TTC7B: variants seen among roughly 807,000 people sequenced by gnomAD.
TTC7B encodes the protein tetratricopeptide repeat protein 7B.
In TTC7B, 28 loss-of-function variants were observed where a neutral mutation model predicts 106.8. The observed-to-expected ratio is 0.26, with a 90% CI of 0.19 to 0.36. The LOEUF (loss-of-function observed/expected upper bound fraction) is 0.36. Among genes scored for constraint, TTC7B ranks in the 10% least tolerant of loss-of-function variants. The probability of loss-of-function intolerance (pLI) is 1.00; values close to 1 mark genes in which losing one functional copy is unlikely to be tolerated. For synonymous variants in TTC7B, 405 were observed against 430.6 expected, an observed-to-expected ratio of 0.94 and a Z score of 0.74; for missense variants, 862 against 1,076.4, an observed-to-expected ratio of 0.80 and a Z score of 2.79.
At chr14:90,774,941 G>T (rs1005589528) in intron 3 of TTC7B, among the ~76,000 whole-genome samples, 1 of 152,126 alleles carries the variant, frequency 6.6e-6, no homozygotes, top group Non-Finnish European at 1.5e-5. Context: ...TGCTTGGGAG[G>T]CTGAGGCAGG....
Position 90,815,338 on chromosome 14 carries a change from A to T in TTC7B, c.121+837T>A, listed in dbSNP as rs140944824. ...GGGATTCTGGATGCAATTTTATTTG[A>T]TTGGGTACAAGAACCAATCCAGTTA... is the stretch of plus-strand genomic sequence containing the variant. On this transcript the variant is annotated intron_variant, in intron 1 of 19. Transcript: ENST00000328459. Among the ~76,000 whole-genome samples the T allele has an allele frequency of 9.1e-4, 139 of 152,228 alleles. 1 individual carries two copies. Among genetic ancestry groups the T allele is most frequent in the African/African-American group, 3.2e-3 (135 of 41,544 alleles).
intron 1 of TTC7B, among the ~76,000 whole-genome samples, chr14:90,788,738 G>A (rs1380462205): frequency 6.6e-6 from 1 of 151,892 alleles, no homozygotes; most frequent in Non-Finnish European, 1.5e-5. Flanking sequence ...GCCAAGGTGG[G>A]CAGATCACGA....
intron 9 of TTC7B, among the ~76,000 whole-genome samples, chr14:90,662,788 ATTATTCCT>A (rs1412405369): frequency 1.3e-5 from 2 of 152,370 alleles, no homozygotes; most frequent in East Asian, 3.9e-4. Context: ...AAAGTTAGCT[ATTATTCCT>A]TTTTAAAAAT....
rs747049619 is a variant in TTC7B at position 90,770,289 on chromosome 14, C to A, written c.445+10449G>T. The stretch of plus-strand genomic sequence containing the variant: ...AAATACATGAAGCAAAAAATTCACA[C>A]ATTGAATTGAAGGGAGAAACAGAGA... On this transcript the variant is annotated intron_variant, in intron 3 of 19. Transcript: ENST00000328459. Among the ~76,000 whole-genome samples, 38 of 152,194 alleles carry A rather than the reference C, an allele frequency of 2.5e-4. 1 individual carries two copies. Among genetic ancestry groups the A allele is most frequent in the Non-Finnish European group, 5.3e-4 (36 of 68,040 alleles).
rs530641892 is a variant in TTC7B at position 90,575,049 on chromosome 14, G to A, written c.2310+3057C>T. 6.6e-6 allele frequency among the ~76,000 whole-genome samples: 1 copy of A among 152,234 alleles called. No individual in the cohort carries two copies. Among genetic ancestry groups the A allele is most frequent in the East Asian group, 1.9e-4 (1 of 5,168 alleles). ...TGTGCCAGGCAACTGTCAACGCTCA[G>A]CTCTGTTTCCGCCACTCTCCGCCAC... On this transcript the variant is annotated intron_variant, in intron 19 of 19. Coordinates refer to ENST00000328459, the MANE Select transcript of TTC7B (RefSeq NM_001010854.2). This position sits in a 1 kb window ranked among gnomAD's most constrained non-coding sequence, Gnocchi z 5.2.
At chr14:90,644,320 A>C (rs1047354492) in intron 14 of TTC7B, 112 bp from the exon 15 acceptor site, 1 of 1,109,502 alleles carries the variant, frequency 9.0e-7, no homozygotes, top group African/African-American at 1.6e-5. Flanking sequence ...GCTTCTCTTC[A>C]AATATTGAGT....
At chr14:90,738,978 T>C (rs553285770) in intron 4 of TTC7B, among the ~76,000 whole-genome samples, 6 of 152,204 alleles carry the variant, frequency 3.9e-5, no homozygotes, top group African/African-American at 1.4e-4. Context: ...TGAGCCAAGA[T>C]TGCACCACTG....
intron 9 of TTC7B, among the ~76,000 whole-genome samples, chr14:90,672,785 G>T (rs1886681022): frequency 6.6e-6 from 1 of 152,102 alleles, no homozygotes; most frequent in East Asian, 1.9e-4. Flanking sequence ...TGTATCCTTT[G>T]TTGCTTCCCC....
At position 90,577,072 on chromosome 14, in the gene TTC7B, C is replaced by T. The variant is rs576090960; in HGVS notation, c.2310+1034G>A. 6.6e-6 allele frequency among the ~76,000 whole-genome samples: 1 copy of T among 152,194 alleles called. No individual in the cohort carries two copies. Among genetic ancestry groups the T allele is most frequent in the Non-Finnish European group, 1.5e-5 (1 of 68,028 alleles). The stretch of plus-strand genomic sequence containing the variant: ...GTGCTCACTCTTCCATATCACACAC[C>T]ACCATCTGGTTATGGGTGCTAAGCC... On this transcript the variant is annotated intron_variant, in intron 19 of 19. Coordinates refer to ENST00000328459, the MANE Select transcript of TTC7B (RefSeq NM_001010854.2). This position sits in a 1 kb window ranked among gnomAD's most constrained non-coding sequence, Gnocchi z 5.0.
chr14:90,589,755 T>C (rs1484259704), intron 18 of TTC7B, among the ~76,000 whole-genome samples: 1 of 152,232 alleles, frequency 6.6e-6, no homozygotes, highest in Non-Finnish European at 1.5e-5. Context: ...TAAAAGGCTA[T>C]GTGAAGGTAT....
chr14:90,698,472 T>A (rs1887853884), intron 5 of TTC7B: 1 of 152,208 alleles, frequency 6.6e-6, no homozygotes, highest in Admixed American at 6.5e-5. Flanking sequence ...AATCTCCCTG[T>A]TTTGAGGGTT....
At chr14:90,576,206 TGCA>T (rs1891257873) in intron 19 of TTC7B, among the ~76,000 whole-genome samples, 1 of 152,060 alleles carries the variant, frequency 6.6e-6, no homozygotes, top group Admixed American at 6.6e-5. Context: ...GATGGAAACA[TGCA>T]GCCTCTTTTT....
At chr14:90,685,900 T>C (rs1356759544) in intron 7 of TTC7B, among the ~76,000 whole-genome samples, 1 of 152,022 alleles carries the variant, frequency 6.6e-6, no homozygotes, top group Non-Finnish European at 1.5e-5. Flanking sequence ...TCCAGGTGGC[T>C]TCACTGGTGA....
chr14:90,567,453 C>T (rs753510314), intron 19 of TTC7B: 1 of 152,178 alleles, frequency 6.6e-6, no homozygotes, highest in African/African-American at 2.4e-5. Context: ...TGCATGACCA[C>T]GAGACCTAGA....
intron 5 of TTC7B, among the ~76,000 whole-genome samples, chr14:90,729,871 C>T (rs1889258027): frequency 6.6e-6 from 1 of 152,108 alleles, no homozygotes; most frequent in African/African-American, 2.4e-5. Context: ...CTTCTCCCAC[C>T]TTCACATCTC....
At position 90,816,275 on chromosome 14, in the gene TTC7B, G is replaced by T; in HGVS notation, c.21C>A (p.Gly7=). The change falls in exon 1 of 20, where the codon GGC becomes GGA. Residue 7 remains glycine (G), a synonymous_variant. Transcript: ENST00000328459. Reference sequence around the variant, plus strand: ...GCTCGATCTCCGTCTCCAGCCGCGAGCCTGCCTTCTTGGTCGCCATCGCGG... The same window carrying T: ...GCTCGATCTCCGTCTCCAGCCGCGATCCTGCCTTCTTGGTCGCCATCGCGG... The part of the protein sequence containing the change: MATKKA[G]SRLETEIERC... 1 of 1,233,032 alleles carries T rather than the reference G, an allele frequency of 8.1e-7. No individual in the cohort carries two copies. The highest frequency in any genetic ancestry group is 1.0e-6 in the Non-Finnish European group (1 of 956,518). 76.4% of individuals were successfully genotyped at this position (1,233,032 alleles called of 1,614,324 possible). A position where few individuals can be genotyped will look rare whatever the true frequency, so the allele number is the denominator to read the frequency against.
At chr14:90,733,358 C>T (rs943909547) in intron 4 of TTC7B, among the ~76,000 whole-genome samples, 1 of 152,158 alleles carries the variant, frequency 6.6e-6, no homozygotes, top group African/African-American at 2.4e-5. Flanking sequence ...ACTCCACAGC[C>T]CGGCTCCTTC....
chr14:90,596,564 T>C (rs1018313816), intron 17 of TTC7B, among the ~76,000 whole-genome samples: 1 of 152,320 alleles, frequency 6.6e-6, no homozygotes, highest in African/African-American at 2.4e-5. Flanking sequence ...ATTCCAAATC[T>C]GTCCTCTAAG....
At chr14:90,555,700 A>C (rs1313891247) in intron 19 of TTC7B, among the ~76,000 whole-genome samples, 1 of 152,184 alleles carries the variant, frequency 6.6e-6, no homozygotes, top group East Asian at 1.9e-4. Context: ...GAGAGGGAGA[A>C]ATGGCTGTGA....
Sources: allele counts gnomAD v4.1 joint callset (sites outside exome capture counted in the v4.1 genomes callset), GRCh38; gene constraint gnomAD v4.1.1; non-coding constraint Gnocchi (gnomAD v3.1); transcripts MANE v1.5; gene names NCBI Gene and HGNC (gene_info 2026-07-23, HGNC 2026-07-21).